The following SLC25A48 variants were observed in gnomAD, a reference collection of about 807,000 sequenced individuals.
SLC25A48 encodes the protein solute carrier family 25 member 48, also known as CTC-321K16.1.
SLC25A48 carries 29 observed loss-of-function variants against 32.2 expected under a neutral mutation model. That is an observed-to-expected ratio of 0.90 (90% CI 0.67 to 1.23). The LOEUF (loss-of-function observed/expected upper bound fraction) is 1.23. Among genes scored for constraint, SLC25A48 ranks in the 50% most tolerant of loss-of-function variants. SLC25A48 has a pLI of 0.00. For missense variants in SLC25A48, 399 were observed against 422.7 expected, an observed-to-expected ratio of 0.94 and a Z score of 0.49; for synonymous variants, 164 against 172.3, an observed-to-expected ratio of 0.95 and a Z score of 0.38.
chr5:135,591,457 C>T (rs1751525864), intron 1 of SLC25A48, among the ~76,000 whole-genome samples: 1 of 152,248 alleles, frequency 6.6e-6, no homozygotes, highest in South Asian at 2.1e-4. Flanking sequence ...CACCACCCAT[C>T]ATAGCTGCCT....
chr5:135,856,619 G>T (rs1423918687), intron 4 of SLC25A48, among the ~76,000 whole-genome samples: 1 of 152,248 alleles, frequency 6.6e-6, no homozygotes, highest in African/African-American at 2.4e-5. Flanking sequence ...AGCACGTGGG[G>T]AGACGCAGGA....
chr5:135,643,837 T>C (rs1038326951), intron 3 of SLC25A48, among the ~76,000 whole-genome samples: 6 of 152,174 alleles, frequency 3.9e-5, no homozygotes, highest in Admixed American at 2.0e-4. Flanking sequence ...TCACATTTAA[T>C]CCTCCCAACA....
intron 1 of SLC25A48, among the ~76,000 whole-genome samples, chr5:135,588,481 G>A (rs1369929039): frequency 6.6e-6 from 1 of 152,234 alleles, no homozygotes; most frequent in African/African-American, 2.4e-5. Flanking sequence ...GGGGCTGCGG[G>A]CCAGAGGCTC....
chr5:135,866,486 G>A (rs985825503), intron 4 of SLC25A48, among the ~76,000 whole-genome samples: 7 of 152,220 alleles, frequency 4.6e-5, no homozygotes, highest in African/African-American at 1.4e-4. Context: ...TGGTAGAGCT[G>A]GTGTCTCCTG....
chr5:135,594,350 C>T (rs1171906380), intron 1 of SLC25A48, among the ~76,000 whole-genome samples: 1 of 152,172 alleles, frequency 6.6e-6, no homozygotes, highest in Non-Finnish European at 1.5e-5. Context: ...ATCCCTGACC[C>T]CCAAGTCCCA....
intron 1 of SLC25A48, among the ~76,000 whole-genome samples, chr5:135,619,778 A>G (rs554986410): frequency 6.6e-6 from 1 of 151,978 alleles, no homozygotes; most frequent in African/African-American, 2.4e-5. Flanking sequence ...AGTGGTGTCT[A>G]TGATTTTCTT....
At position 135,859,154 on chromosome 5, in the gene SLC25A48, C is replaced by T. The variant is rs192771109; in HGVS notation, c.421+6333C>T. 1.8e-3 allele frequency among the ~76,000 whole-genome samples: 276 copies of T among 152,224 alleles called. 3 individuals are homozygous for T. The highest frequency in any genetic ancestry group is 0.012 in the Admixed American group (189 of 15,290). On this transcript the variant is annotated intron_variant, in intron 4 of 7. Transcript: ENST00000681962. ...CTCCTATATTAGTCCAATCTCTTGC[C>T]ACTAATAAAGACATGCCTGAGACTG...
intron 3 of SLC25A48, among the ~76,000 whole-genome samples, chr5:135,804,312 A>G (rs995952330): frequency 2.0e-5 from 3 of 151,792 alleles, no homozygotes; most frequent in Non-Finnish European, 2.9e-5. Context: ...GTTTCCACAC[A>G]TGGTGTATAC....
chr5:135,613,990 A>G (rs1752131203), intron 1 of SLC25A48, among the ~76,000 whole-genome samples: 1 of 152,092 alleles, frequency 6.6e-6, no homozygotes, highest in African/African-American at 2.4e-5. Context: ...TGACATTGTT[A>G]TTTTGATGGT....
chr5:135,827,348 A>G (rs1289372817), intron 4 of SLC25A48: 6 of 152,226 alleles, frequency 3.9e-5, no homozygotes, highest in East Asian at 1.9e-4. Flanking sequence ...ACCTGCTCAC[A>G]TGCTTCCTGA....
intron 3 of SLC25A48, among the ~76,000 whole-genome samples, chr5:135,785,673 G>A (rs1446487843): frequency 1.3e-5 from 2 of 150,910 alleles, no homozygotes; most frequent in South Asian, 2.1e-4. Context: ...GGAGAGGGGG[G>A]TGGAACACCC....
At chr5:135,682,062 C>G (rs1432092858) in intron 3 of SLC25A48, among the ~76,000 whole-genome samples, 1 of 152,218 alleles carries the variant, frequency 6.6e-6, no homozygotes, top group East Asian at 1.9e-4. Context: ...ATTCTCTCCT[C>G]TCTGGTACTC....
intron 6 of SLC25A48, chr5:135,875,497 C>T (rs1761968918): frequency 6.6e-6 from 1 of 152,238 alleles, no homozygotes; most frequent in African/African-American, 2.4e-5. Flanking sequence ...GACAGAACTA[C>T]CAGAAGTCAC....
intron 3 of SLC25A48, among the ~76,000 whole-genome samples, chr5:135,734,457 C>T (rs1053330621): frequency 3.3e-5 from 5 of 152,066 alleles, no homozygotes; most frequent in East Asian, 1.9e-4. Flanking sequence ...TGTCAATACC[C>T]GCAACAGTTA....
upstream of SLC25A48, among the ~76,000 whole-genome samples, chr5:135,833,163 A>G (rs114210476): frequency 7.1e-3 from 1,080 of 152,324 alleles, 12 homozygotes; most frequent in African/African-American, 0.024. Context: ...GGTTTGTGGC[A>G]TGCATATGGG....
In SLC25A48 at chr5:135,759,788, G is replaced by T. The variant is rs74623554; in HGVS notation, c.-520-52735G>T. Among the ~76,000 whole-genome samples the T allele has an allele frequency of 3.9e-5, 6 of 152,008 alleles. No individual in the cohort carries two copies. The East Asian group carries it at 9.7e-4, about 25-fold the overall frequency. ...TGTGAGAACTTCAGAAGAAGCTGCG[G>T]GATTGAAGAGCGTGTGTATTTTTTA... On this transcript the variant is annotated intron_variant, in intron 3 of 10. Transcript: ENST00000646290.
chr5:135,844,575 G>T (rs948781861), intron 2 of SLC25A48, among the ~76,000 whole-genome samples: 2 of 152,118 alleles, frequency 1.3e-5, no homozygotes, highest in Non-Finnish European at 2.9e-5. Context: ...TGTTAAACAC[G>T]ATACAAATCC....
At chr5:135,850,595 T>C in intron 3 of SLC25A48, 99 bp downstream of exon 3, 1 of 1,058,658 alleles carries the variant, frequency 9.4e-7, no homozygotes, top group Non-Finnish European at 1.4e-6. Context: ...TGGGGGCCTC[T>C]CATCCTGCTC....
intron 3 of SLC25A48, among the ~76,000 whole-genome samples, chr5:135,809,727 C>T (rs62364726): frequency 0.47 from 71,053 of 152,064 alleles, 16,930 homozygotes; most frequent in Non-Finnish European, 0.51. Context: ...ATAAATGGAC[C>T]AATACACAAT....
Sources: allele counts gnomAD v4.1 joint callset (sites outside exome capture counted in the v4.1 genomes callset), GRCh38; gene constraint gnomAD v4.1.1; transcripts MANE v1.5; gene names NCBI Gene and HGNC (gene_info 2026-07-23, HGNC 2026-07-21).